Variants in FAM222A observed in about 807,000 individuals in gnomAD.
The protein encoded by FAM222A is family with sequence similarity 222 member A.
FAM222A carries 7 observed loss-of-function variants against 25.8 expected under a neutral mutation model. That is an observed-to-expected ratio of 0.27 (90% CI 0.15 to 0.51). The LOEUF is 0.51. FAM222A is among the 20% of genes least tolerant of loss of function. FAM222A has a pLI of 0.97. For missense variants in FAM222A, 573 were observed against 640.5 expected, an observed-to-expected ratio of 0.89 and a Z score of 1.14; for synonymous variants, 294 against 298.8, an observed-to-expected ratio of 0.98 and a Z score of 0.17.
intron 1 of FAM222A, 152 bp from the exon 2 acceptor site, chr12:109,743,949 T>C: frequency 2.0e-6 from 2 of 985,444 alleles, no homozygotes; most frequent in Non-Finnish European, 2.4e-6. Context: ...CCTCAGGCCT[T>C]GGTCCCCTCA....
At chr12:109,718,535 C>CCG (rs1326480023) in intron 1 of FAM222A, among the ~76,000 whole-genome samples, 1 of 146,308 alleles carries the variant, frequency 6.8e-6, no homozygotes, top group Admixed American at 6.7e-5. Flanking sequence ...CACAAAAGGG[C>CCG]CGCTTTATTA....
chr12:109,746,113 C>G (rs1888393721), intron 2 of FAM222A, among the ~76,000 whole-genome samples: 1 of 152,152 alleles, frequency 6.6e-6, no homozygotes, highest in East Asian at 1.9e-4. Flanking sequence ...GATTTTGTAT[C>G]ATACTTGGAA....
At chr12:109,718,034 C>G (rs1048925336) in intron 1 of FAM222A, among the ~76,000 whole-genome samples, 4 of 152,216 alleles carry the variant, frequency 2.6e-5, no homozygotes, top group African/African-American at 9.7e-5. Flanking sequence ...ACCTTTGCCT[C>G]TCTGAGCCCC....
At position 109,744,579 on chromosome 12, in the gene FAM222A, G is replaced by T; in HGVS notation, c.82+351G>T. ...ACCATTAAAGTAGGATGACGTGGAA[G>T]CAAAAAATAGACAGAATGGGGTCCC... On this transcript the variant is annotated intron_variant, in intron 2 of 2. Transcript: ENST00000538780. 6.1e-6 allele frequency: 6 copies of T among 985,398 alleles called. No individual in the cohort carries two copies. The South Asian group carries it at 2.3e-4, about 39-fold the overall frequency. 61.0% of individuals were successfully genotyped at this position (985,398 alleles called of 1,614,324 possible). A position where few individuals can be genotyped will look rare whatever the true frequency, so the allele number is the denominator to read the frequency against.
At chr12:109,728,801 C>T (rs1478966946) in intron 1 of FAM222A, among the ~76,000 whole-genome samples, 5 of 152,208 alleles carry the variant, frequency 3.3e-5, no homozygotes, top group Non-Finnish European at 7.3e-5. Context: ...GAGAGACAGA[C>T]ACAAACAGGT....
intron 1 of FAM222A, chr12:109,722,573 C>T (rs772241838): frequency 6.6e-6 from 1 of 152,252 alleles, no homozygotes; most frequent in Non-Finnish European, 1.5e-5. Flanking sequence ...GTCCTCCTCT[C>T]CAGGCAAAGT....
At chr12:109,744,593 G>A in intron 2 of FAM222A, 1 of 985,406 alleles carries the variant, frequency 1.0e-6, no homozygotes. Context: ...AAAATAGACA[G>A]AATGGGGTCC....
chr12:109,724,156 A>C (rs565877627), intron 1 of FAM222A, among the ~76,000 whole-genome samples: 1 of 152,312 alleles, frequency 6.6e-6, no homozygotes, highest in Admixed American at 6.5e-5. Context: ...AGCCTCAGCA[A>C]ACTGCTGGCA....
chr12:109,725,427 T>TCTCCCTCCC lies in FAM222A; in HGVS notation c.-47+10532_-47+10540dup, dbSNP rs1555288244. On this transcript the variant is annotated intron_variant, in intron 1 of 2. Coordinates refer to ENST00000538780, the MANE Select transcript of FAM222A (RefSeq NM_032829.3). ...CCTGCTTGCTCTTCTCTCTTCTCCC[T>TCTCCCTCCC]CTCCCTCCCCCTCCCTCCCCTAGGT... 1.7e-4 allele frequency among the ~76,000 whole-genome samples: 22 copies of TCTCCCTCCC among 127,348 alleles called. No homozygotes were observed. The East Asian group carries it at 4.4e-3, about 26-fold the overall frequency. 83.5% of individuals were successfully genotyped at this position (127,348 alleles called of 152,430 possible).
Position 109,769,063 on chromosome 12 carries a change from G to A in FAM222A, c.1134G>A (p.Arg378=). 1 of 1,595,902 alleles carries A rather than the reference G, an allele frequency of 6.3e-7. No individual in the cohort carries two copies. The highest frequency in any genetic ancestry group is 8.5e-7 in the Non-Finnish European group (1 of 1,172,298). Residue 378 remains arginine, a synonymous_variant, in exon 3 of 3, where the codon CGG becomes CGA. Transcript: ENST00000538780. ...CGGAGCTGGGGCCGGGGGCAGCCCG[G>A]GAGCTGGCTGGGCCCCCTGCAGATG... The part of the protein sequence containing the change: ...VVTELGPGAA[R]ELAGPPADAL...
intron 1 of FAM222A, among the ~76,000 whole-genome samples, chr12:109,716,662 C>A (rs569991475): frequency 6.6e-6 from 1 of 152,200 alleles, no homozygotes; most frequent in Non-Finnish European, 1.5e-5. Flanking sequence ...GAAACAAACT[C>A]GGAGTGCGCG....
At position 109,718,370 on chromosome 12, in the gene FAM222A, C is replaced by T. The variant is rs374586775; in HGVS notation, c.-47+3473C>T. On this transcript the variant is annotated intron_variant, in intron 1 of 2. Transcript: ENST00000538780. ...GCTTCTGCGGGGGCTGGGACTTGGC[C>T]GGGGGTCCCTCCCCAACCTCCCTCC... 1.1e-3 allele frequency among the ~76,000 whole-genome samples: 149 copies of T among 140,884 alleles called. 3 individuals are homozygous for T. The East Asian group carries it at 0.02, about 19-fold the overall frequency. 92.4% of individuals were successfully genotyped at this position (140,884 alleles called of 152,430 possible).
intron 2 of FAM222A, among the ~76,000 whole-genome samples, chr12:109,766,519 C>T (rs1175003021): frequency 1.3e-5 from 2 of 152,236 alleles, no homozygotes; most frequent in Non-Finnish European, 2.9e-5. Flanking sequence ...GGCAGCAGCT[C>T]GCCCTGGCGC....
chr12:109,718,814 C>T (rs1234376725), intron 1 of FAM222A, among the ~76,000 whole-genome samples: 1 of 152,244 alleles, frequency 6.6e-6, no homozygotes, highest in Non-Finnish European at 1.5e-5. Flanking sequence ...CTTTTGAAAT[C>T]TGCCTAATGA....
intron 2 of FAM222A, chr12:109,744,490 C>T: frequency 5.1e-6 from 5 of 985,448 alleles, no homozygotes; most frequent in Non-Finnish European, 6.0e-6. Flanking sequence ...ACCACCATCG[C>T]CATGCCCCAA....
At position 109,714,975 on chromosome 12, in the gene FAM222A, G is replaced by C. The variant is rs1887615756; in HGVS notation, c.-47+78G>C. 6.5e-6 allele frequency: 1 copy of C among 152,706 alleles called. No homozygotes were observed. The highest frequency in any genetic ancestry group is 2.1e-4 in the South Asian group (1 of 4,842). The allele number at this position is 152,706 out of a possible 1,614,324, so 9.5% of individuals were successfully genotyped here. On this transcript the variant is annotated intron_variant, in intron 1 of 2. Coordinates refer to ENST00000538780, the MANE Select transcript of FAM222A (RefSeq NM_032829.3). This position sits in a 1 kb window ranked among gnomAD's most constrained non-coding sequence, Gnocchi z 4.2. ...TCCGGGCAGCCAGGATTGGACAGAA[G>C]GGGTCCTAGGCTGTTGGGGGTCCTG...
intron 2 of FAM222A, among the ~76,000 whole-genome samples, chr12:109,754,404 A>G (rs533834093): frequency 3.9e-5 from 6 of 152,330 alleles, no homozygotes; most frequent in Admixed American, 2.0e-4. Context: ...CAAGAGAATA[A>G]GACTTTAGCA....
chr12:109,738,193 A>T (rs1888138387), intron 1 of FAM222A, among the ~76,000 whole-genome samples: 1 of 152,122 alleles, frequency 6.6e-6, no homozygotes, highest in South Asian at 2.1e-4. Flanking sequence ...TGGGCTGGGC[A>T]AGGGTCCCTC....
At chr12:109,767,890 T>C in intron 2 of FAM222A, 122 bp from the exon 3 acceptor site, 1 of 1,005,196 alleles carries the variant, frequency 9.9e-7, no homozygotes, top group Non-Finnish European at 1.4e-6. Context: ...AGTTTAAAAA[T>C]GTAGAAGGAA....
Sources: allele counts gnomAD v4.1 joint callset (sites outside exome capture counted in the v4.1 genomes callset), GRCh38; gene constraint gnomAD v4.1.1; non-coding constraint Gnocchi (gnomAD v3.1); transcripts MANE v1.5; gene names NCBI Gene and HGNC (gene_info 2026-07-23, HGNC 2026-07-21).